Variants in GGA3 observed in about 807,000 individuals in gnomAD.
GGA3 encodes the protein golgi associated, gamma adaptin ear containing, ARF binding protein 3.
GGA3 carries 57 observed loss-of-function variants against 77.5 expected under a neutral mutation model. That is an observed-to-expected ratio of 0.74 (90% confidence interval 0.59 to 0.92). The LOEUF is 0.92. GGA3 is among the 40% of genes least tolerant of loss of function. The probability of loss-of-function intolerance (pLI) is 0.00; values close to 1 mark genes in which losing one functional copy is unlikely to be tolerated. For synonymous variants in GGA3, 416 were observed against 383.7 expected (o/e 1.08, Z -0.98); for missense variants, 970 against 914.9 (o/e 1.06, Z -0.78).
chr17:75,260,272 A>G (rs2077309564), intron 1 of GGA3, among the ~76,000 whole-genome samples: 1 of 152,244 alleles, frequency 6.6e-6, no homozygotes, highest in Non-Finnish European at 1.5e-5. Flanking sequence ...CACTCTGGTT[A>G]TAGCAAGTTG....
At chr17:75,238,461 C>G in intron 16 of GGA3, 72 bp from the exon 17 acceptor site, 1 of 1,307,812 alleles carries the variant, frequency 7.6e-7, no homozygotes, top group Admixed American at 1.9e-5. Flanking sequence ...TTCTGCTACC[C>G]TCTCTGTGCT....
chr17:75,255,230 A>G (rs1379664254), intron 1 of GGA3, among the ~76,000 whole-genome samples: 6 of 152,064 alleles, frequency 3.9e-5, no homozygotes, highest in Admixed American at 3.9e-4. Context: ...ATTGACAGCC[A>G]GGCTTCTAAA....
rs922876815 is a variant in GGA3 at position 75,237,483 on chromosome 17, T to C, written c.*796A>G. 1 of 1,535,748 alleles carries C rather than the reference T, an allele frequency of 6.5e-7. No homozygotes were observed. Among genetic ancestry groups the C allele is most frequent in the Admixed American group, 2.0e-5 (1 of 50,988 alleles). On this transcript the variant is annotated 3_prime_UTR_variant, in exon 17 of 17. Transcript: ENST00000537686. ...GCAAGAGGTAGTCAGTAGGATGGCCTGTCCCCACGGCTGGAGGCACGCTTT... is the reference window on the plus strand; with the variant it reads ...GCAAGAGGTAGTCAGTAGGATGGCCCGTCCCCACGGCTGGAGGCACGCTTT...
intron 4 of GGA3, 137 bp from the exon 5 acceptor site, chr17:75,243,707 T>C: frequency 1.3e-6 from 1 of 777,354 alleles, no homozygotes; most frequent in Admixed American, 2.7e-5. Flanking sequence ...CAAGTGTGTG[T>C]GAGACAGCGT....
intron 3 of GGA3, among the ~76,000 whole-genome samples, chr17:75,245,405 G>C (rs936006049): frequency 2.0e-5 from 3 of 152,198 alleles, no homozygotes; most frequent in Admixed American, 6.5e-5. Context: ...CAGCATCCCT[G>C]GCCTCTGCCT....
chr17:75,260,727 C>T (rs531939033), intron 1 of GGA3, among the ~76,000 whole-genome samples: 1 of 152,332 alleles, frequency 6.6e-6, no homozygotes, highest in South Asian at 2.1e-4. Context: ...CAGGAAAGTT[C>T]ACTTATTAAC....
chr17:75,240,896 A>AGCG lies in GGA3; in HGVS notation c.1105_1107dup (p.Arg369dup), dbSNP rs1187004692. On this transcript the variant is annotated inframe_insertion, in exon 11 of 17. Transcript: ENST00000537686. ...AGGGTGGCCTCGGCCTGGCTAGAGG[A>AGCG]GCGGCTCCGTGGAGGTCCTGAGGCC... The AGCG allele has an allele frequency of 1.2e-6, 2 of 1,613,608 alleles. No individual in the cohort carries two copies. Among genetic ancestry groups the AGCG allele is most frequent in the South Asian group, 2.2e-5 (2 of 91,046 alleles).
At chr17:75,243,642 C>CGCCATTGCTGTGG in intron 4 of GGA3, 72 bp from the exon 5 acceptor site, 2 of 1,491,236 alleles carry the variant, frequency 1.3e-6, no homozygotes, top group Non-Finnish European at 1.8e-6. Flanking sequence ...GCTCCCTCCA[C>CGCCATTGCTGTGG]AGCAATGGCG....
chr17:75,240,939 G>T lies in GGA3; in HGVS notation c.1065C>A (p.Ile355=). The change falls in exon 11 of 17, where the codon ATC becomes ATA. Residue 355 remains isoleucine, a synonymous_variant. Coordinates refer to ENST00000537686, the MANE Select transcript of GGA3 (RefSeq NM_138619.4). Reference sequence around the variant, plus strand: ...CTGAGGCCTGGGGTGGTGGAGGGAGGATTGGGATGCCTGAGGAGGGTGGAG... The same window carrying T: ...CTGAGGCCTGGGGTGGTGGAGGGAGTATTGGGATGCCTGAGGAGGGTGGAG... ...APTPPSSGIP[I]LPPPPQASGP... 6.2e-7 allele frequency: 1 copy of T among 1,613,932 alleles called. No individual in the cohort carries two copies.
intron 1 of GGA3, among the ~76,000 whole-genome samples, chr17:75,253,848 T>TAGCCTGTGTTCCC (rs1432049299): frequency 6.6e-6 from 1 of 152,108 alleles, no homozygotes; most frequent in Non-Finnish European, 1.5e-5. Flanking sequence ...CCTTCTCCCT[T>TAGCCTGTGTTCCC]AGCCTGTGTT....
chr17:75,243,049 AG>A lies in GGA3; in HGVS notation c.528+13del, dbSNP rs369796524. 618 of 1,589,568 alleles carry A rather than the reference AG, an allele frequency of 3.9e-4. 1 individual carries two copies. The African/African-American group carries it at 7.0e-3, about 18-fold the overall frequency. Reference sequence around the variant, plus strand: ...TCTCGTATGAGAAAATCCCAGGCCCAGGGTGTCCTTTACCTTGGACTTCTCC... The same window carrying A: ...TCTCGTATGAGAAAATCCCAGGCCCAGGTGTCCTTTACCTTGGACTTCTCC... On this transcript the variant is annotated intron_variant, in intron 6 of 16. Transcript: ENST00000537686.
At chr17:75,242,498 G>GAA (rs1312543004) in intron 7 of GGA3, 25 bp from the exon 8 acceptor site, 1 of 1,613,850 alleles carries the variant, frequency 6.2e-7, no homozygotes, top group Non-Finnish European at 8.5e-7. Flanking sequence ...AAGTTCAAGA[G>GAA]AAAGAGAGCG....
In GGA3 at chr17:75,238,779, T is replaced by C. The variant is rs755438300; in HGVS notation, c.1951-17A>G. The C allele has an allele frequency of 6.8e-5, 109 of 1,597,322 alleles. No individual in the cohort carries two copies. Among genetic ancestry groups the C allele is most frequent in the Non-Finnish European group, 8.3e-5 (97 of 1,166,700 alleles). ...TTTCATTGACTAAAGAGAGAGAAACTCCTTTGAAGAGAACTGGTAGGTGCC... is the reference window on the plus strand; with the variant it reads ...TTTCATTGACTAAAGAGAGAGAAACCCCTTTGAAGAGAACTGGTAGGTGCC... On this transcript the variant is annotated splice_polypyrimidine_tract_variant and intron_variant, in intron 15 of 16. Transcript: ENST00000537686.
intron 1 of GGA3, among the ~76,000 whole-genome samples, chr17:75,258,253 T>G (rs533247642): frequency 6.6e-6 from 1 of 152,226 alleles, no homozygotes; most frequent in African/African-American, 2.4e-5. Context: ...AAAGCCTGTT[T>G]GGTAGTCTCT....
At chr17:75,258,906 C>G (rs1043427761) in intron 1 of GGA3, among the ~76,000 whole-genome samples, 1 of 151,786 alleles carries the variant, frequency 6.6e-6, no homozygotes, top group Non-Finnish European at 1.5e-5. Context: ...TTCCCCCATC[C>G]CCAGTTCCCT....
In GGA3 at chr17:75,238,688, G is replaced by T; in HGVS notation, c.2025C>A (p.Ala675=). 1 of 1,613,898 alleles carries T rather than the reference G, an allele frequency of 6.2e-7. No homozygotes were observed. The stretch of plus-strand genomic sequence containing the variant: ...TGGCCAGCAACATGACCTGGGTGAT[G>T]GCTGCAGGTGGCTGGATGGGGCTAA... ...SPFSPIQPPA[A]ITQVMLLANP... The change falls in exon 16 of 17, where the codon GCC becomes GCA. Residue 675 remains alanine, a synonymous_variant. Coordinates refer to ENST00000537686, the MANE Select transcript of GGA3 (RefSeq NM_138619.4).
Position 75,237,426 on chromosome 17 carries a change from C to A in GGA3, c.*853G>T. 6.8e-7 allele frequency: 1 copy of A among 1,474,918 alleles called. No individual in the cohort carries two copies. Among genetic ancestry groups the A allele is most frequent in the Non-Finnish European group, 9.2e-7 (1 of 1,091,006 alleles). The allele number at this position is 1,474,918 out of a possible 1,614,324, so 91.4% of individuals were successfully genotyped here. ...TAGGATGTAGAGTGGCGGTAGATTC[C>A]AAGGGGAGGATAGCAGTTTATTTCA... On this transcript the variant is annotated 3_prime_UTR_variant, in exon 17 of 17. Coordinates refer to ENST00000537686, the MANE Select transcript of GGA3 (RefSeq NM_138619.4).
At chr17:75,242,981 C>T in intron 6 of GGA3, 70 bp from the exon 7 acceptor site, 2 of 1,480,848 alleles carry the variant, frequency 1.4e-6, no homozygotes, top group Non-Finnish European at 1.9e-6. Context: ...CCCAGAGGCT[C>T]CCCGCAGCAC....
chr17:75,242,620 T>C (rs982700428), intron 7 of GGA3, 147 bp from the exon 8 acceptor site: 1 of 972,310 alleles, frequency 1.0e-6, no homozygotes, highest in Admixed American at 2.0e-5. Context: ...TCTATACTTC[T>C]GCTTTCACAA....
Sources: allele counts gnomAD v4.1 joint callset (sites outside exome capture counted in the v4.1 genomes callset), GRCh38; gene constraint gnomAD v4.1.1; transcripts MANE v1.5; gene names NCBI Gene and HGNC (gene_info 2026-07-23, HGNC 2026-07-21).